Variants in C13orf42 observed in about 807,000 individuals in gnomAD.
C13orf42 encodes chromosome 13 open reading frame 42.
At chr13:51,105,409 T>A (rs1005524892) in intron 1 of C13orf42, among the ~76,000 whole-genome samples, 4 of 152,244 alleles carry the variant, frequency 2.6e-5, no homozygotes, top group African/African-American at 9.6e-5. Flanking sequence ...TCAATCGATA[T>A]GTGTTAAGGG....
intron 1 of C13orf42, among the ~76,000 whole-genome samples, chr13:51,165,086 T>C (rs1254442786): frequency 2.0e-5 from 3 of 152,154 alleles, no homozygotes; most frequent in African/African-American, 7.2e-5. Flanking sequence ...CATCCTCCTA[T>C]CCTTCTCTAT....
At chr13:51,165,155 G>A (rs1593559592) in intron 1 of C13orf42, among the ~76,000 whole-genome samples, 1 of 152,276 alleles carries the variant, frequency 6.6e-6, no homozygotes, top group East Asian at 1.9e-4. Flanking sequence ...TTCAGCCAAT[G>A]GGAGCATGAG....
intron 1 of C13orf42, among the ~76,000 whole-genome samples, chr13:51,152,527 T>C (rs1953787083): frequency 6.6e-6 from 1 of 152,158 alleles, no homozygotes; most frequent in African/African-American, 2.4e-5. Flanking sequence ...GTTTAAATAT[T>C]TTTTAGAGAT....
intron 1 of C13orf42, among the ~76,000 whole-genome samples, chr13:51,108,851 C>T (rs1237216346): frequency 5.3e-5 from 8 of 152,332 alleles, no homozygotes; most frequent in Admixed American, 3.3e-4. Context: ...GAGATCCCTA[C>T]GTTATATCAG....
At chr13:51,158,161 C>T (rs1022040752) in intron 1 of C13orf42, among the ~76,000 whole-genome samples, 3 of 152,152 alleles carry the variant, frequency 2.0e-5, no homozygotes, top group Admixed American at 6.5e-5. Flanking sequence ...AGTAAATTGC[C>T]AAACATCCCA....
upstream of C13orf42, among the ~76,000 whole-genome samples, chr13:51,112,139 A>G (rs1953442037): frequency 6.6e-6 from 1 of 152,212 alleles, no homozygotes; most frequent in Non-Finnish European, 1.5e-5. Context: ...CATTTTTCTC[A>G]GGCAGATGCT....
intron 1 of C13orf42, among the ~76,000 whole-genome samples, 160 bp downstream of exon 1, chr13:51,110,636 C>G (rs1044629954): frequency 5.3e-5 from 8 of 152,200 alleles, no homozygotes; most frequent in African/African-American, 1.9e-4. Context: ...CTTCCCCAGG[C>G]TGGGGATATG....
intron 1 of C13orf42, among the ~76,000 whole-genome samples, chr13:51,170,589 G>A (rs1267460516): frequency 3.3e-5 from 5 of 151,896 alleles, no homozygotes; most frequent in African/African-American, 1.2e-4. Context: ...TCATTTTCTG[G>A]TAGAGACAAA....
intron 1 of C13orf42, chr13:51,172,106 G>A (rs981187581): frequency 9.9e-5 from 15 of 151,994 alleles, no homozygotes; most frequent in Non-Finnish European, 2.1e-4. Context: ...GCGGCCAGGC[G>A]TTCCTCCAGA....
chr13:51,084,133 C>G lies in C13orf42; in HGVS notation c.*18G>C. The G allele has an allele frequency of 2.5e-6, 1 of 398,682 alleles. No homozygotes were observed. The highest frequency in any genetic ancestry group is 1.3e-4 in the South Asian group (1 of 7,840). 24.7% of individuals were successfully genotyped at this position (398,682 alleles called of 1,614,324 possible). Reference sequence around the variant, plus strand: ...CTCAGGGACCCAGTCTGAGACACGTCAAGGAATCCAGATGGAGTCAGGGCA... The same window carrying G: ...CTCAGGGACCCAGTCTGAGACACGTGAAGGAATCCAGATGGAGTCAGGGCA... On this transcript the variant is annotated 3_prime_UTR_variant, in exon 4 of 4. Transcript: ENST00000563710.
At chr13:51,146,352 A>C (rs1953735485) in intron 1 of C13orf42, among the ~76,000 whole-genome samples, 1 of 152,142 alleles carries the variant, frequency 6.6e-6, no homozygotes, top group Non-Finnish European at 1.5e-5. Flanking sequence ...GTCCATGTGG[A>C]ACAAAACAAG....
chr13:51,120,421 G>A (rs1953525649), intron 1 of C13orf42, among the ~76,000 whole-genome samples: 1 of 152,216 alleles, frequency 6.6e-6, no homozygotes. Flanking sequence ...GGCAGGAATT[G>A]TGAATGCTCT....
upstream of C13orf42, among the ~76,000 whole-genome samples, chr13:51,114,458 T>C (rs1014543841): frequency 6.6e-6 from 1 of 152,332 alleles, no homozygotes; most frequent in Middle Eastern, 3.4e-3. Context: ...TTGACTTTTT[T>C]TTCTCTTTTT....
chr13:51,141,475 T>C (rs1953695673), intron 1 of C13orf42, among the ~76,000 whole-genome samples: 1 of 152,056 alleles, frequency 6.6e-6, no homozygotes, highest in East Asian at 1.9e-4. Flanking sequence ...TTACTAAATA[T>C]ATATAAAAGA....
chr13:51,129,768 G>A (rs1005553670), intron 1 of C13orf42, among the ~76,000 whole-genome samples: 6 of 152,126 alleles, frequency 3.9e-5, no homozygotes, highest in Admixed American at 3.9e-4. Context: ...TTTCTGTATT[G>A]TTCTGTCATA....
At chr13:51,105,545 A>G (rs989105567) in intron 1 of C13orf42, among the ~76,000 whole-genome samples, 1 of 152,216 alleles carries the variant, frequency 6.6e-6, no homozygotes, top group Non-Finnish European at 1.5e-5. Context: ...CCAGGGGGAA[A>G]ATCTCACTCC....
At chr13:51,140,696 A>G (rs1417445610) in intron 1 of C13orf42, among the ~76,000 whole-genome samples, 4 of 152,194 alleles carry the variant, frequency 2.6e-5, no homozygotes, top group Admixed American at 6.5e-5. Flanking sequence ...TGCTTCCAAC[A>G]GGAAAGTAAG....
chr13:51,119,977 CT>C (rs1275898349), intron 1 of C13orf42, among the ~76,000 whole-genome samples: 2 of 126,202 alleles, frequency 1.6e-5, no homozygotes, highest in East Asian at 2.5e-4. Flanking sequence ...GGAATTTTTC[CT>C]TTTAAAAAAA....
At chr13:51,132,171 G>A (rs1002196455) in intron 1 of C13orf42, among the ~76,000 whole-genome samples, 2 of 152,082 alleles carry the variant, frequency 1.3e-5, no homozygotes, top group Non-Finnish European at 2.9e-5. Context: ...GGCCGGGCGC[G>A]GTGGCTCACG....
Sources: allele counts gnomAD v4.1 joint callset (sites outside exome capture counted in the v4.1 genomes callset), GRCh38; gene constraint gnomAD v4.1.1; transcripts MANE v1.5; gene names NCBI Gene and HGNC (gene_info 2026-07-23, HGNC 2026-07-21).